The following DOC2A variants were observed in gnomAD, a reference collection of about 807,000 sequenced individuals.
The protein encoded by DOC2A is double C2 domain alpha.
A neutral mutation model predicts 40.6 loss-of-function variants in DOC2A; 28 were observed. The ratio of observed to expected loss-of-function variants is 0.69; its 90% CI spans 0.51 to 0.95. DOC2A has a LOEUF of 0.95. DOC2A is among the 40% of genes least tolerant of loss of function. The pLI is 0.00. For missense variants in DOC2A, 474 were observed against 552.5 expected (o/e 0.86, Z 1.42); for synonymous variants, 241 against 236.9 (o/e 1.02, Z -0.16).
chr16:30,008,490 T>C (rs1394769788), intron 5 of DOC2A: 1 of 167,082 alleles, frequency 6.0e-6, no homozygotes, highest in African/African-American at 2.4e-5. Context: ...GGGAGTCCTC[T>C]GTTTGAGGGG....
At chr16:30,017,951 C>A (rs1477446148) in intron 1 of DOC2A, among the ~76,000 whole-genome samples, 1 of 115,160 alleles carries the variant, frequency 8.7e-6, no homozygotes, top group South Asian at 2.7e-4. Flanking sequence ...CAGAGTGGGA[C>A]TCTGTCTCCG....
upstream of DOC2A, chr16:30,015,229 AT>A: frequency 6.6e-6 from 1 of 152,336 alleles, no homozygotes; most frequent in Non-Finnish European, 1.5e-5. Flanking sequence ...ATCCTTTTGT[AT>A]TTTTTGAATT....
upstream of DOC2A, among the ~76,000 whole-genome samples, chr16:30,015,605 C>T (rs921552378): frequency 6.6e-6 from 1 of 151,920 alleles, no homozygotes; most frequent in Non-Finnish European, 1.5e-5. Flanking sequence ...GCATGAGCCA[C>T]TGTGCCTGGC....
Position 30,009,852 on chromosome 16 carries a change from C to G in DOC2A, c.262+109G>C. On this transcript the variant is annotated intron_variant, in intron 2 of 10. Transcript: ENST00000350119. The surrounding 1 kb of genome is among the most constrained non-coding windows in gnomAD (Gnocchi z 4.1). ...GTCCCTGCCACCCCCCCACTGCCCT[C>G]CTCCCCTACCTACATGCACAGCCAG... 1 of 1,232,704 alleles carries G rather than the reference C, an allele frequency of 8.1e-7. No homozygotes were observed. Among genetic ancestry groups the G allele is most frequent in the Non-Finnish European group, 1.2e-6 (1 of 853,878 alleles). 76.4% of individuals were successfully genotyped at this position (1,232,704 alleles called of 1,614,324 possible).
intron 5 of DOC2A, chr16:30,007,501 G>A: frequency 1.5e-6 from 1 of 670,500 alleles, no homozygotes; most frequent in Non-Finnish European, 2.6e-6. Context: ...GGTCCATCAG[G>A]ACATGCTCAG....
rs778003829 is a variant in DOC2A, at chr16:30,006,711, G to A, written c.879-34C>T. ...GGGGTGGAGGGAGACGAACTGAGGG[G>A]TGAGGGACAGGCCAGGCCCAACTCA... On this transcript the variant is annotated intron_variant, in intron 8 of 10. Transcript: ENST00000350119. The surrounding 1 kb of genome is among the most constrained non-coding windows in gnomAD (Gnocchi z 6.2). 2.5e-6 allele frequency: 4 copies of A among 1,613,654 alleles called. No homozygotes were observed. The highest frequency in any genetic ancestry group is 2.7e-5 in the African/African-American group (2 of 74,794).
At chr16:30,016,999 C>G (rs892423663), upstream of DOC2A, among the ~76,000 whole-genome samples, 38 of 152,240 alleles carry the variant, frequency 2.5e-4, 1 homozygote, top group Non-Finnish European at 1.3e-4. Flanking sequence ...CCAGGTCAAG[C>G]TTGGGGGCAA....
chr16:30,006,471 G>A lies in DOC2A; in HGVS notation c.999C>T (p.Thr333=), dbSNP rs761658629. The change falls in exon 10 of 11, where the codon ACC becomes ACT. Residue 333 remains threonine, a synonymous_variant. Coordinates refer to ENST00000350119, the MANE Select transcript of DOC2A (RefSeq NM_003586.3). The surrounding 1 kb of genome is among the most constrained non-coding windows in gnomAD (Gnocchi z 6.2). ...FYEIELSTLA[T]KTLEVTVWDY... ...CCCAGACGGTGACTTCCAGGGTCTT[G>A]GTGGCCAGAGTGGAGAGCTCTATCT... The A allele has an allele frequency of 6.2e-7, 1 of 1,613,726 alleles. No individual in the cohort carries two copies. Among genetic ancestry groups the A allele is most frequent in the East Asian group, 2.2e-5 (1 of 44,820 alleles).
chr16:30,007,586 G>C, intron 5 of DOC2A: 1 of 483,420 alleles, frequency 2.1e-6, no homozygotes, highest in Middle Eastern at 6.0e-4. Flanking sequence ...GGCAGGAGCC[G>C]AACACCACGG....
chr16:30,018,057 G>A lies in DOC2A; in HGVS notation c.-376+3126C>T, dbSNP rs554016736. ...AAGGCAGGAGGATCCCTTGAGCCCCGGAGTTCAAGACCAGCCTGGGCAACA... is the reference window on the plus strand; with the variant it reads ...AAGGCAGGAGGATCCCTTGAGCCCCAGAGTTCAAGACCAGCCTGGGCAACA... On this transcript the variant is annotated intron_variant, in intron 1 of 5. Coordinates refer to the DOC2A transcript ENST00000574405. 1.7e-3 allele frequency among the ~76,000 whole-genome samples: 246 copies of A among 146,186 alleles called. 1 individual carries two copies. Among genetic ancestry groups the A allele is most frequent in the Non-Finnish European group, 2.6e-3 (175 of 67,044 alleles).
chr16:30,015,593 A>G (rs1297547895), upstream of DOC2A, among the ~76,000 whole-genome samples: 1 of 151,956 alleles, frequency 6.6e-6, no homozygotes, highest in Non-Finnish European at 1.5e-5. Flanking sequence ...CTGAGATTAC[A>G]GGCATGAGCC....
chr16:30,010,892 C>T lies in DOC2A; in HGVS notation c.-14+11G>A. On this transcript the variant is annotated intron_variant, in intron 1 of 10. Transcript: ENST00000350119. This position sits in a 1 kb window ranked among gnomAD's most constrained non-coding sequence, Gnocchi z 4.2. The stretch of plus-strand genomic sequence containing the variant: ...CTCACGCCCCCGGCCTGCCCAGCCC[C>T]CTGCACCTGCCTCTGCCTCCAACAG... 9.8e-7 allele frequency: 1 copy of T among 1,019,782 alleles called. No individual in the cohort carries two copies. The highest frequency in any genetic ancestry group is 1.2e-6 in the Non-Finnish European group (1 of 849,644). The allele number at this position is 1,019,782 out of a possible 1,614,324, so 63.2% of individuals were successfully genotyped here.
At chr16:30,023,208 C>T, upstream of DOC2A, 1 of 745,064 alleles carries the variant, frequency 1.3e-6, no homozygotes, top group Non-Finnish European at 2.2e-6. Context: ...CTCTCTTCTC[C>T]TCTCCTCTTC....
Position 30,006,078 on chromosome 16 carries a change from T to G in DOC2A, c.*108A>C. The G allele has an allele frequency of 7.9e-7, 1 of 1,268,718 alleles. No homozygotes were observed. The highest frequency in any genetic ancestry group is 1.1e-6 in the Non-Finnish European group (1 of 936,074). 78.6% of individuals were successfully genotyped at this position (1,268,718 alleles called of 1,614,324 possible). A position where few individuals can be genotyped will look rare whatever the true frequency, so the allele number is the denominator to read the frequency against. On this transcript the variant is annotated 3_prime_UTR_variant, in exon 11 of 11. Transcript: ENST00000350119. This position sits in a 1 kb window ranked among gnomAD's most constrained non-coding sequence, Gnocchi z 6.2. ...GGTCACGGAGACTCACAAAAATAGG[T>G]AGTGCAGGGTGGGGGCAGCCCACCC...
intron 1 of DOC2A, among the ~76,000 whole-genome samples, chr16:30,020,569 G>A (rs1239593687): frequency 2.0e-5 from 3 of 151,874 alleles, no homozygotes; most frequent in Admixed American, 6.6e-5. Flanking sequence ...TAGGCTGGGC[G>A]CAGTCGCACA....
chr16:30,016,651 AG>A (rs2070859634), upstream of DOC2A, among the ~76,000 whole-genome samples: 1 of 152,230 alleles, frequency 6.6e-6, no homozygotes, highest in African/African-American at 2.4e-5. Flanking sequence ...CCAATTTCAG[AG>A]GAAAATGATG....
upstream of DOC2A, among the ~76,000 whole-genome samples, chr16:30,015,871 G>GAT (rs1351126062): frequency 7.1e-6 from 1 of 140,652 alleles, no homozygotes; most frequent in Non-Finnish European, 1.5e-5. Context: ...TGGCTAATCT[G>GAT]TTTTTGTTTG....
intron 5 of DOC2A, chr16:30,007,644 G>A (rs2070658574): frequency 5.1e-6 from 2 of 391,886 alleles, no homozygotes; most frequent in South Asian, 2.2e-5. Context: ...GGGCCTTGGA[G>A]CCTTGGGCAG....
chr16:30,006,686 G>C lies in DOC2A; in HGVS notation c.879-9C>G, dbSNP rs767004381. The C allele has an allele frequency of 6.2e-7, 1 of 1,604,710 alleles. No homozygotes were observed. The highest frequency in any genetic ancestry group is 8.5e-7 in the Non-Finnish European group (1 of 1,171,454). ...CATCGGGCCTCAGGTACCTGGGGGTGGGGTGGAGGGAGACGAACTGAGGGG... is the reference window on the plus strand; with the variant it reads ...CATCGGGCCTCAGGTACCTGGGGGTCGGGTGGAGGGAGACGAACTGAGGGG... On this transcript the variant is annotated splice_polypyrimidine_tract_variant and intron_variant, in intron 8 of 10. Coordinates refer to ENST00000350119, the MANE Select transcript of DOC2A (RefSeq NM_003586.3). The surrounding 1 kb of genome is among the most constrained non-coding windows in gnomAD (Gnocchi z 6.2).
Sources: gnomAD v4.1 joint callset for allele counts (sites outside exome capture counted in the v4.1 genomes callset) on GRCh38, gnomAD v4.1.1 for gene constraint, Gnocchi (gnomAD v3.1) non-coding constraint, MANE v1.5 for transcripts, NCBI Gene and HGNC (gene_info 2026-07-23, HGNC 2026-07-21) for gene names.